Variants in RCL1 observed in about 807,000 individuals in gnomAD.
RCL1 encodes RNA 3'-terminal phosphate cyclase-like protein.
RCL1 carries 24 observed loss-of-function variants against 42.4 expected under a neutral mutation model. The ratio of observed to expected loss-of-function variants is 0.57; its 90% CI spans 0.41 to 0.80. The LOEUF (loss-of-function observed/expected upper bound fraction) is 0.80, where lower values mean the gene tolerates loss of function less well. Among genes scored for constraint, RCL1 ranks in the 30% least tolerant of loss-of-function variants. RCL1 has a pLI of 0.00. For missense variants in RCL1, 578 were observed against 467.9 expected (o/e 1.24, Z -2.17); for synonymous variants, 228 against 177.3 (o/e 1.29, Z -2.27).
intron 1 of RCL1, among the ~76,000 whole-genome samples, chr9:4,819,545 A>G (rs1816512069): frequency 6.6e-6 from 1 of 152,212 alleles, no homozygotes; most frequent in African/African-American, 2.4e-5. Flanking sequence ...GAATTTGCTC[A>G]CGCCTGTAAT....
Position 4,826,838 on chromosome 9 carries a change from T to A in RCL1, c.209-20T>A. The A allele has an allele frequency of 3.2e-6, 5 of 1,581,638 alleles. No individual in the cohort carries two copies. Among genetic ancestry groups the A allele is most frequent in the Non-Finnish European group, 4.3e-6 (5 of 1,166,884 alleles). ...TAGTTTTTTTCCTGCTGAATGTGGC[T>A]CTTTTTCTTCTGGTTTAAGGAACAA... On this transcript the variant is annotated intron_variant, in intron 2 of 8. Transcript: ENST00000381750.
intron 5 of RCL1, among the ~76,000 whole-genome samples, chr9:4,839,024 A>G (rs2129655382): frequency 6.6e-6 from 1 of 152,378 alleles, no homozygotes; most frequent in Middle Eastern, 3.4e-3. Flanking sequence ...AAATGACAGC[A>G]CAGAGAAGTT....
Position 4,793,048 on chromosome 9 carries a change from G to A in RCL1, c.-44G>A, listed in dbSNP as rs1412916057. The A allele has an allele frequency of 2.5e-6, 4 of 1,578,770 alleles. No individual in the cohort carries two copies. In the East Asian group the frequency reaches 9.4e-5, roughly 37 times the overall value. ...GTCACGAGTCCCGCGTCTGTCCGAA[G>A]TCGCCGCTCTCGGGCTGCTCACGTC... On this transcript the variant is annotated 5_prime_UTR_variant, in exon 1 of 9. Coordinates refer to ENST00000381750, the MANE Select transcript of RCL1 (RefSeq NM_005772.5).
intron 1 of RCL1, among the ~76,000 whole-genome samples, chr9:4,793,747 T>G (rs1842870629): frequency 1.3e-5 from 2 of 152,216 alleles, no homozygotes; most frequent in Admixed American, 1.3e-4. Flanking sequence ...CTCACACTTG[T>G]CCTTGGGTGT....
intron 1 of RCL1, among the ~76,000 whole-genome samples, chr9:4,811,560 A>G (rs1269559022): frequency 6.6e-6 from 1 of 152,156 alleles, no homozygotes; most frequent in Non-Finnish European, 1.5e-5. Flanking sequence ...ATAATGTTCT[A>G]CAAAAGCCTC....
Position 4,809,452 on chromosome 9 carries a change from G to A in RCL1, c.137-14096G>A, listed in dbSNP as rs889935359. Among the ~76,000 whole-genome samples the A allele has an allele frequency of 3.3e-5, 5 of 152,020 alleles. No individual in the cohort carries two copies. In the East Asian group the frequency reaches 9.7e-4, roughly 29 times the overall value. On this transcript the variant is annotated intron_variant, in intron 1 of 8. Coordinates refer to ENST00000381750, the MANE Select transcript of RCL1 (RefSeq NM_005772.5). Reference sequence around the variant, plus strand: ...AGCCTCCCAAGTAGCTGGGGCTACAGGCATGTGCCACCACACCCGGCTAAT... The same window carrying A: ...AGCCTCCCAAGTAGCTGGGGCTACAAGCATGTGCCACCACACCCGGCTAAT...
chr9:4,818,347 A>C (rs188213435), intron 1 of RCL1, among the ~76,000 whole-genome samples: 37 of 152,224 alleles, frequency 2.4e-4, no homozygotes, highest in African/African-American at 8.7e-4. Flanking sequence ...CCTCAGTATA[A>C]TTTAGGAAAG....
intron 5 of RCL1, 164 bp from the exon 6 acceptor site, chr9:4,841,068 A>G: frequency 1.4e-6 from 1 of 697,852 alleles, no homozygotes; most frequent in East Asian, 2.7e-5. Flanking sequence ...ATAATAATGA[A>G]AAAAATTTAA....
intron 7 of RCL1, among the ~76,000 whole-genome samples, chr9:4,845,409 A>G (rs1003563087): frequency 6.6e-6 from 1 of 152,250 alleles, no homozygotes; most frequent in Non-Finnish European, 1.5e-5. Context: ...CAGTTGCCAC[A>G]GTCTTTCTCT....
At chr9:4,826,696 AG>A (rs1816774898) in intron 2 of RCL1, among the ~76,000 whole-genome samples, 161 bp from the exon 3 acceptor site, 2 of 152,192 alleles carry the variant, frequency 1.3e-5, no homozygotes, top group South Asian at 4.1e-4. Context: ...GACAGTAGTG[AG>A]TCAGCTTTTG....
intron 1 of RCL1, among the ~76,000 whole-genome samples, chr9:4,802,199 A>G (rs531083379): frequency 5.1e-4 from 76 of 149,014 alleles, no homozygotes; most frequent in African/African-American, 1.8e-3. Flanking sequence ...TGCTGGGATT[A>G]TAGGTGTGAG....
At chr9:4,821,396 T>C (rs1267936354) in intron 1 of RCL1, among the ~76,000 whole-genome samples, 1 of 152,206 alleles carries the variant, frequency 6.6e-6, no homozygotes, top group Non-Finnish European at 1.5e-5. Flanking sequence ...TAGGGCAATC[T>C]AGTTGGCATT....
chr9:4,860,582 A>G lies in RCL1; in HGVS notation c.*307A>G, dbSNP rs886959301. On this transcript the variant is annotated 3_prime_UTR_variant, in exon 9 of 9. Coordinates refer to ENST00000381750, the MANE Select transcript of RCL1 (RefSeq NM_005772.5). Reference sequence around the variant, plus strand: ...TAGAACAGTCTCGTAGCTGCAGTTCAGCTGTGCTTCCTCAGCCTACTATCA... The same window carrying G: ...TAGAACAGTCTCGTAGCTGCAGTTCGGCTGTGCTTCCTCAGCCTACTATCA... 1.0e-4 allele frequency: 29 copies of G among 277,518 alleles called. No individual in the cohort carries two copies. The highest frequency in any genetic ancestry group is 6.3e-4 in the African/African-American group (28 of 44,288). 17.2% of individuals were successfully genotyped at this position (277,518 alleles called of 1,614,324 possible).
chr9:4,829,623 T>G lies in RCL1; in HGVS notation c.384+2590T>G, dbSNP rs921406350. Among the ~76,000 whole-genome samples the G allele has an allele frequency of 2.0e-5, 3 of 152,284 alleles. No individual in the cohort carries two copies. In the East Asian group the frequency reaches 5.8e-4, roughly 29 times the overall value. Reference sequence around the variant, plus strand: ...TAAGCCTCTAGGAGTATGAGATTGATTAGGCTGAGGTTGAACACTGGTGGG... The same window carrying G: ...TAAGCCTCTAGGAGTATGAGATTGAGTAGGCTGAGGTTGAACACTGGTGGG... On this transcript the variant is annotated intron_variant, in intron 3 of 8. Transcript: ENST00000381750.
chr9:4,825,498 ATTGTGATTGT>A (rs1816731324), intron 2 of RCL1, among the ~76,000 whole-genome samples: 1 of 152,084 alleles, frequency 6.6e-6, no homozygotes, highest in African/African-American at 2.4e-5. Context: ...TATGGTCCTG[ATTGTGATTGT>A]TTGGATTCTA....
rs865881058 is a variant in RCL1 at position 4,800,779 on chromosome 9, A to G, written c.136+7552A>G. Among the ~76,000 whole-genome samples the G allele has an allele frequency of 4.0e-5, 6 of 150,836 alleles. No individual in the cohort carries two copies. The South Asian group carries it at 1.0e-3, about 26-fold the overall frequency. ...GTGATTCTCCTGCCTCAGCCTCCAG[A>G]GCAGCTGGGATTACAGGTGTGCACC... On this transcript the variant is annotated intron_variant, in intron 1 of 8. Coordinates refer to ENST00000381750, the MANE Select transcript of RCL1 (RefSeq NM_005772.5).
intron 8 of RCL1, among the ~76,000 whole-genome samples, chr9:4,851,010 G>GT (rs1321996827): frequency 6.6e-6 from 1 of 151,876 alleles, no homozygotes; most frequent in South Asian, 2.1e-4. Context: ...ATACATATAT[G>GT]TTTTTTTTCG....
rs1026959473 is a variant in RCL1 at position 4,805,396 on chromosome 9, A to G, written c.136+12169A>G. 6.2e-5 allele frequency among the ~76,000 whole-genome samples: 8 copies of G among 129,962 alleles called. No homozygotes were observed. In the East Asian group the frequency reaches 1.4e-3, roughly 23 times the overall value. The allele number at this position is 129,962 out of a possible 152,430, so 85.3% of individuals were successfully genotyped here. ...CCAGCCTGTCTCTAAAAAGAAGAAG[A>G]AGGAGAAGGGGAAGGGGAAGGGGAA... On this transcript the variant is annotated intron_variant, in intron 1 of 8. Transcript: ENST00000381750.
At chr9:4,859,349 T>A (rs1218551113) in intron 8 of RCL1, among the ~76,000 whole-genome samples, 1 of 152,228 alleles carries the variant, frequency 6.6e-6, no homozygotes, top group Non-Finnish European at 1.5e-5. Context: ...TGTTGTTTGC[T>A]TTGTTTACAT....
Sources: allele counts gnomAD v4.1 joint callset (sites outside exome capture counted in the v4.1 genomes callset), GRCh38; gene constraint gnomAD v4.1.1; transcripts MANE v1.5; gene names NCBI Gene and HGNC (gene_info 2026-07-23, HGNC 2026-07-21).